ARHGAP15: variants seen among roughly 807,000 people sequenced by gnomAD.
ARHGAP15 encodes rho GTPase-activating protein 15.
In ARHGAP15, 51 loss-of-function variants were observed where a neutral mutation model predicts 63.7. The ratio of observed to expected loss-of-function variants is 0.80; its 90% CI spans 0.64 to 1.01. The LOEUF is 1.01. Among genes scored for constraint, ARHGAP15 ranks in the 50% least tolerant of loss-of-function variants. ARHGAP15 has a pLI of 0.00. For synonymous variants in ARHGAP15, 191 were observed against 193.8 expected (o/e 0.99, Z 0.12); for missense variants, 560 against 564.6 (o/e 0.99, Z 0.08).
At chr2:143,286,503 A>G (rs1682109398) in intron 6 of ARHGAP15, among the ~76,000 whole-genome samples, 2 of 152,214 alleles carry the variant, frequency 1.3e-5, no homozygotes, top group South Asian at 4.1e-4. Context: ...ATATGAAATC[A>G]TATTCATGTT....
intron 10 of ARHGAP15, among the ~76,000 whole-genome samples, chr2:143,536,675 C>T (rs1694782755): frequency 6.6e-6 from 1 of 152,012 alleles, no homozygotes; most frequent in Non-Finnish European, 1.5e-5. Flanking sequence ...TTTCCACCTT[C>T]ATCCATGTCC....
chr2:143,646,752 A>G (rs1246943566), intron 12 of ARHGAP15, among the ~76,000 whole-genome samples: 1 of 152,066 alleles, frequency 6.6e-6, no homozygotes, highest in East Asian at 1.9e-4. Context: ...CACAGTAATG[A>G]GGATCTAAAA....
At chr2:143,237,784 T>C (rs1355968763) in intron 5 of ARHGAP15, 1 of 152,170 alleles carries the variant, frequency 6.6e-6, no homozygotes, top group Non-Finnish European at 1.5e-5. Flanking sequence ...TTTTAGGGAA[T>C]ATTTTCCCCC....
intron 2 of ARHGAP15, among the ~76,000 whole-genome samples, chr2:143,194,506 G>T (rs949962200): frequency 1.3e-5 from 2 of 152,008 alleles, no homozygotes; most frequent in African/African-American, 4.8e-5. Context: ...GTCTATTTTG[G>T]CCCTGAGTTT....
intron 12 of ARHGAP15, among the ~76,000 whole-genome samples, chr2:143,674,939 T>C (rs1209072582): frequency 6.6e-6 from 1 of 152,116 alleles, no homozygotes; most frequent in African/African-American, 2.4e-5. Context: ...AACAAATAGA[T>C]TTGCCACATC....
intron 10 of ARHGAP15, among the ~76,000 whole-genome samples, chr2:143,522,666 G>A (rs548614123): frequency 6.4e-4 from 98 of 152,168 alleles, no homozygotes; most frequent in African/African-American, 2.1e-3. Context: ...TACACATAGC[G>A]TTACATACAC....
intron 5 of ARHGAP15, among the ~76,000 whole-genome samples, chr2:143,247,664 G>A (rs2104967115): frequency 6.6e-6 from 1 of 152,292 alleles, no homozygotes; most frequent in African/African-American, 2.4e-5. Context: ...GATTTTTCAA[G>A]GAAGAGTCAG....
chr2:143,340,620 A>T (rs917597047), intron 6 of ARHGAP15, among the ~76,000 whole-genome samples: 2 of 151,956 alleles, frequency 1.3e-5, no homozygotes, highest in African/African-American at 4.8e-5. Flanking sequence ...ATAAACCACA[A>T]ATCTGGCAAC....
intron 6 of ARHGAP15, chr2:143,351,107 G>A (rs1685550258): frequency 6.6e-6 from 1 of 152,116 alleles, no homozygotes; most frequent in African/African-American, 2.4e-5. Flanking sequence ...AAAAGTTTAA[G>A]AATGGATGCC....
intron 12 of ARHGAP15, among the ~76,000 whole-genome samples, chr2:143,663,752 C>A: frequency 6.6e-6 from 1 of 150,668 alleles, no homozygotes; most frequent in Non-Finnish European, 1.5e-5. Context: ...CAAAAAAAGG[C>A]AGGGGTTGCA....
chr2:143,419,619 A>C (rs1234481460), intron 6 of ARHGAP15, among the ~76,000 whole-genome samples: 1 of 151,724 alleles, frequency 6.6e-6, no homozygotes, highest in African/African-American at 2.4e-5. Context: ...GATATTGTAT[A>C]TTTAATTTGA....
At chr2:143,331,269 C>G (rs1383829550) in intron 6 of ARHGAP15, among the ~76,000 whole-genome samples, 1 of 151,978 alleles carries the variant, frequency 6.6e-6, no homozygotes, top group Non-Finnish European at 1.5e-5. Flanking sequence ...CTTTAAGATC[C>G]CTTTTGTGAA....
intron 11 of ARHGAP15, among the ~76,000 whole-genome samples, chr2:143,605,772 G>A (rs1285622005): frequency 1.3e-5 from 2 of 150,232 alleles, no homozygotes; most frequent in African/African-American, 4.9e-5. Flanking sequence ...CCAGCACTTT[G>A]GGAGGCAGAG....
chr2:143,539,534 C>T (rs1480238323), intron 10 of ARHGAP15, among the ~76,000 whole-genome samples: 7 of 151,880 alleles, frequency 4.6e-5, no homozygotes, highest in Admixed American at 1.3e-4. Context: ...TAAATTTCCC[C>T]CTACGCACTG....
intron 13 of ARHGAP15, among the ~76,000 whole-genome samples, chr2:143,721,424 C>T (rs1029291505): frequency 1.3e-5 from 2 of 152,154 alleles, no homozygotes; most frequent in African/African-American, 4.8e-5. Context: ...AGGTAAAGAA[C>T]ATGGTCTCTG....
intron 13 of ARHGAP15, among the ~76,000 whole-genome samples, chr2:143,710,885 A>T (rs1259586365): frequency 6.6e-6 from 1 of 152,202 alleles, no homozygotes; most frequent in African/African-American, 2.4e-5. Context: ...TCAGGTGTTA[A>T]TTAAGTCAAA....
At chr2:143,542,518 C>T (rs34705324) in intron 10 of ARHGAP15, among the ~76,000 whole-genome samples, 29,477 of 151,262 alleles carry the variant, frequency 0.19, 3,210 homozygotes, top group Middle Eastern at 0.28. Flanking sequence ...CATCTTGGCT[C>T]TACCCCAAAA....
chr2:143,544,023 C>T (rs1157294061), intron 10 of ARHGAP15, among the ~76,000 whole-genome samples: 3 of 152,138 alleles, frequency 2.0e-5, no homozygotes, highest in Admixed American at 2.0e-4. Context: ...TTTGCTTATA[C>T]ATTTCTTTTT....
intron 5 of ARHGAP15, among the ~76,000 whole-genome samples, chr2:143,250,218 A>G (rs1041375709): frequency 6.6e-6 from 1 of 152,224 alleles, no homozygotes; most frequent in Non-Finnish European, 1.5e-5. Context: ...TAAAACTTTC[A>G]TTATTCTTAA....
Sources: gnomAD v4.1 joint callset for allele counts (sites outside exome capture counted in the v4.1 genomes callset) on GRCh38, gnomAD v4.1.1 for gene constraint, MANE v1.5 for transcripts, NCBI Gene and HGNC (gene_info 2026-07-23, HGNC 2026-07-21) for gene names.